SLC52A3: variants seen among roughly 807,000 people sequenced by gnomAD.
SLC52A3 encodes solute carrier family 52, riboflavin transporter, member 3.
In SLC52A3, 20 loss-of-function variants were observed where a neutral mutation model predicts 29.5. That is an observed-to-expected ratio of 0.68 (90% CI 0.48 to 0.99). SLC52A3 has a LOEUF of 0.99. Among genes scored for constraint, SLC52A3 ranks in the 50% least tolerant of loss-of-function variants. The pLI, the probability that SLC52A3 is intolerant of heterozygous loss-of-function variation, is 0.00. For missense variants in SLC52A3, 548 were observed against 612.9 expected, an observed-to-expected ratio of 0.89 and a Z score of 1.12; for synonymous variants, 301 against 271.0, an observed-to-expected ratio of 1.11 and a Z score of -1.09.
In SLC52A3 at chr20:760,577, G is replaced by A. The variant is rs1307903907; in HGVS notation, c.*449C>T. 2.2e-5 allele frequency: 4 copies of A among 179,456 alleles called. No homozygotes were observed. The highest frequency in any genetic ancestry group is 3.6e-5 in the Non-Finnish European group (3 of 84,146). 11.1% of individuals were successfully genotyped at this position (179,456 alleles called of 1,614,324 possible). The stretch of plus-strand genomic sequence containing the variant: ...GCCCAGGAGGGCTTGCTTGATGCGG[G>A]CTGCTTTTTCCTTTTGCCTCCGTGC... On this transcript the variant is annotated 3_prime_UTR_variant, in exon 5 of 5. Coordinates refer to ENST00000645534, the MANE Select transcript of SLC52A3 (RefSeq NM_033409.4). The surrounding 1 kb of genome is among the most constrained non-coding windows in gnomAD (Gnocchi z 4.9).
chr20:779,233 T>G (rs1270205496), upstream of SLC52A3, among the ~76,000 whole-genome samples: 1 of 152,232 alleles, frequency 6.6e-6, no homozygotes, highest in African/African-American at 2.4e-5. Context: ...GAAGGATGTT[T>G]ACAACGAGTC....
chr20:761,608 G>A lies in SLC52A3; in HGVS notation c.1197+93C>T, dbSNP rs13339933. 3.3e-3 allele frequency: 5,125 copies of A among 1,565,114 alleles called. 86 individuals are homozygous for A. In the African/African-American group the frequency reaches 0.047, roughly 14 times the overall value. On this transcript the variant is annotated intron_variant, in intron 4 of 4. Coordinates refer to ENST00000645534, the MANE Select transcript of SLC52A3 (RefSeq NM_033409.4). Reference sequence around the variant, plus strand: ...TTCCCGGGAGGGTCCCACAGACCCCGCTCGCTGGAAAGGGCCGCGCCCAAG... The same window carrying A: ...TTCCCGGGAGGGTCCCACAGACCCCACTCGCTGGAAAGGGCCGCGCCCAAG...
At position 761,204 on chromosome 20, in the gene SLC52A3, C is replaced by T. The variant is rs1449779910; in HGVS notation, c.1232G>A (p.Ser411Asn). 1.3e-6 allele frequency: 2 copies of T among 1,556,640 alleles called. No homozygotes were observed. Among genetic ancestry groups the T allele is most frequent in the Non-Finnish European group, 1.7e-6 (2 of 1,151,228 alleles). ...CACGCCCAGCATCACCTTGACGTAA[C>T]TGAGGCAGCCGCTGAAAAGCACCCA... ...ASWVLFSGCL[S>N]YVKVMLGVVL... Residue 411 changes from serine to asparagine, a missense_variant, in exon 5 of 5, where the codon AGT becomes AAT. Coordinates refer to ENST00000645534, the MANE Select transcript of SLC52A3 (RefSeq NM_033409.4).
At chr20:762,634 G>C (rs925619016) in intron 3 of SLC52A3, among the ~76,000 whole-genome samples, 4 of 152,164 alleles carry the variant, frequency 2.6e-5, no homozygotes, top group Admixed American at 1.3e-4. Flanking sequence ...CTAACATTTG[G>C]GGTTTCTTGG....
At position 761,229 on chromosome 20, in the gene SLC52A3, A is replaced by G; in HGVS notation, c.1207T>C (p.Trp403Arg). 1.3e-6 allele frequency: 2 copies of G among 1,550,662 alleles called. No individual in the cohort carries two copies. Among genetic ancestry groups the G allele is most frequent in the Non-Finnish European group, 1.7e-6 (2 of 1,147,598 alleles). Residue 403 changes from tryptophan (W) to arginine (R), a missense_variant, in exon 5 of 5, where the codon TGG becomes CGG. By Grantham distance (101) the Trp-to-Arg change is moderately radical. Transcript: ENST00000645534. ...CTGAGGCAGCCGCTGAAAAGCACCC[A>G]CGAGGCCACCTGCGGGGCCGGGAGG... The part of the protein sequence containing the change: ...WGGEVLIVAS[W>R]VLFSGCLSYV...
In SLC52A3 at chr20:760,221, T is replaced by C. The variant is rs1315265163; in HGVS notation, c.*805A>G. On this transcript the variant is annotated 3_prime_UTR_variant, in exon 5 of 5. Transcript: ENST00000645534. This position sits in a 1 kb window ranked among gnomAD's most constrained non-coding sequence, Gnocchi z 4.9. ...CCCCAACCTGGTCGGGGAGTTCACT[T>C]TCAGAGGCTCAGGGATGGGCCTTCC... The C allele has an allele frequency of 6.6e-6, 1 of 152,142 alleles. No individual in the cohort carries two copies. Among genetic ancestry groups the C allele is most frequent in the Admixed American group, 6.5e-5 (1 of 15,276 alleles). 9.4% of individuals were successfully genotyped at this position (152,142 alleles called of 1,614,324 possible). A position where few individuals can be genotyped will look rare whatever the true frequency, so the allele number is the denominator to read the frequency against.
upstream of SLC52A3, among the ~76,000 whole-genome samples, chr20:780,033 A>G (rs1599971091): frequency 6.6e-6 from 1 of 152,218 alleles, no homozygotes; most frequent in South Asian, 2.1e-4. Context: ...AGCCCTATAC[A>G]GGGACTGTGT....
At position 765,551 on chromosome 20, in the gene SLC52A3, A is replaced by C; in HGVS notation, c.224T>G (p.Ile75Ser). The change falls in exon 2 of 5, where the codon ATC (isoleucine) becomes AGC (serine). Residue 75 changes from isoleucine to serine, a missense_variant. Transcript: ENST00000645534. The surrounding 1 kb of genome is among the most constrained non-coding windows in gnomAD (Gnocchi z 6.6). ...RPSCLSEVPI[I>S]FTLLGVGTVT... ...GGTTCCCACGCCCAGCAGGGTGAAG[A>C]TGATGGGCACTTCGGAAAGGCAGCT... 6.3e-7 allele frequency: 1 copy of C among 1,577,912 alleles called. No homozygotes were observed. The highest frequency in any genetic ancestry group is 8.6e-7 in the Non-Finnish European group (1 of 1,161,802).
At chr20:778,013 CT>C (rs71191974), upstream of SLC52A3, among the ~76,000 whole-genome samples, 10,748 of 134,254 alleles carry the variant, frequency 0.08, 669 homozygotes, top group East Asian at 0.43. Context: ...TAGAGACTTT[CT>C]TTTTTTTTTT....
In SLC52A3 at chr20:760,432, C is replaced by G. The variant is rs1035524896; in HGVS notation, c.*594G>C. ...TTATCTGCTTGTCTTGTAGAAGCCC[C>G]TCTGTGAGACTGAGGGGCAAAGGAG... On this transcript the variant is annotated 3_prime_UTR_variant, in exon 5 of 5. Transcript: ENST00000645534. This position sits in a 1 kb window ranked among gnomAD's most constrained non-coding sequence, Gnocchi z 4.9. The G allele has an allele frequency of 5.2e-5, 8 of 152,842 alleles. No homozygotes were observed. Among genetic ancestry groups the G allele is most frequent in the African/African-American group, 1.7e-4 (7 of 41,568 alleles). The allele number at this position is 152,842 out of a possible 1,614,324, so 9.5% of individuals were successfully genotyped here. A position where few individuals can be genotyped will look rare whatever the true frequency, so the allele number is the denominator to read the frequency against.
At position 763,703 on chromosome 20, in the gene SLC52A3, C is replaced by G. The variant is rs866331802; in HGVS notation, c.868G>C (p.Glu290Gln). Residue 290 changes from glutamate (E) to glutamine (Q), a missense_variant, in exon 3 of 5, where the codon GAG (glutamate) becomes CAG (glutamine). Around this residue, in one of 2 missense-constraint regions of SLC52A3, gnomAD observed 375 missense variants for 471.1 expected, o/e 0.80. Transcript: ENST00000645534. ...DSSQGQGYLE[E>Q]KAAPCCPAHL... is the part of the protein sequence containing the mutation. ...GCCGGGCAGCAGGGGGCTGCTTTCT[C>G]CTCTAGATACCCCTGGCCCTGGCTG... 2.7e-5 allele frequency: 44 copies of G among 1,614,018 alleles called. No individual in the cohort carries two copies. In the East Asian group the frequency reaches 9.8e-4, roughly 36 times the overall value.
At chr20:770,576 T>C (rs1986817653), upstream of SLC52A3, among the ~76,000 whole-genome samples, 1 of 152,226 alleles carries the variant, frequency 6.6e-6, no homozygotes, top group Admixed American at 6.5e-5. This position sits in a 1 kb window ranked among gnomAD's most constrained non-coding sequence, Gnocchi z 4.5. Flanking sequence ...ATCAAACGAA[T>C]CTTTGGTCAA....
At chr20:776,983 C>A (rs1415855113), upstream of SLC52A3, among the ~76,000 whole-genome samples, 1 of 152,132 alleles carries the variant, frequency 6.6e-6, no homozygotes, top group East Asian at 1.9e-4. Context: ...TGCCTGTAAT[C>A]CCAGCACTTT....
In SLC52A3 at chr20:761,098, G is replaced by A; in HGVS notation, c.1338C>T (p.Leu446=). 6.2e-7 allele frequency: 1 copy of A among 1,608,166 alleles called. No individual in the cohort carries two copies. The change falls in exon 5 of 5, where the codon CTC becomes CTT. Residue 446 remains leucine, a synonymous_variant. Transcript: ENST00000645534. ...GCAGCACGTTGACCAGAGGGAACAT[G>A]AGCAGCGCTCCGAGCAGCGAGCCCA... ...VQLGSLLGAL[L]MFPLVNVLRL...
At chr20:775,505 C>T (rs940720110) in intron 1 of SLC52A3, among the ~76,000 whole-genome samples, 1 of 152,080 alleles carries the variant, frequency 6.6e-6, no homozygotes, top group African/African-American at 2.4e-5. Context: ...TCTTGAACTC[C>T]CTGAGCTCAA....
rs962094553 is a variant in SLC52A3 at position 768,300 on chromosome 20, T to A, written c.-55A>T. ...ACTAGGTATCAAGTGAACTCACCAG[T>A]GGTATATGCACCTTTTTGTAGAGAC... is the stretch of plus-strand genomic sequence containing the variant. On this transcript the variant is annotated 5_prime_UTR_variant, in exon 1 of 5. Transcript: ENST00000645534. 6.6e-6 allele frequency: 1 copy of A among 152,220 alleles called. No individual in the cohort carries two copies. Among genetic ancestry groups the A allele is most frequent in the Non-Finnish European group, 1.5e-5 (1 of 68,048 alleles). The allele number at this position is 152,220 out of a possible 1,614,324, so 9.4% of individuals were successfully genotyped here.
upstream of SLC52A3, among the ~76,000 whole-genome samples, chr20:769,004 A>G (rs1986772398): frequency 6.6e-6 from 1 of 152,086 alleles, no homozygotes; most frequent in South Asian, 2.1e-4. Context: ...TGACCCCTTC[A>G]TTTCAGGTTG....
rs1322154756 is a variant in SLC52A3, at chr20:761,090, G to A, written c.1346C>T (p.Pro449Leu). 6.2e-7 allele frequency: 1 copy of A among 1,609,420 alleles called. No individual in the cohort carries two copies. Among genetic ancestry groups the A allele is most frequent in the Non-Finnish European group, 8.5e-7 (1 of 1,178,532 alleles). The change falls in exon 5 of 5, where the codon CCT becomes CTT. Residue 449 changes from proline to leucine, a missense_variant. Physicochemically the swap from Pro to Leu is moderately conservative, Grantham distance 98. Around this residue, in one of 2 missense-constraint regions of SLC52A3, gnomAD observed 173 missense variants for 141.8 expected, o/e 1.22. Transcript: ENST00000645534. ...GAAGAGCCGCAGCACGTTGACCAGA[G>A]GGAACATGAGCAGCGCTCCGAGCAG... is the stretch of plus-strand genomic sequence containing the variant. ...GSLLGALLMF[P>L]LVNVLRLFSS...
At chr20:776,539 G>C (rs1004345574), upstream of SLC52A3, among the ~76,000 whole-genome samples, 2 of 152,126 alleles carry the variant, frequency 1.3e-5, no homozygotes, top group African/African-American at 4.8e-5. Context: ...GAAGTCGAGA[G>C]CCTTGTGTAG....
Sources: gnomAD v4.1 joint callset for allele counts (sites outside exome capture counted in the v4.1 genomes callset) on GRCh38, gnomAD v4.1.1 for gene constraint, gnomAD v4.1.1 regional missense constraint, Gnocchi (gnomAD v3.1) non-coding constraint, MANE v1.5 for transcripts, NCBI Gene and HGNC (gene_info 2026-07-23, HGNC 2026-07-21) for gene names.